SNX30: variants seen among roughly 807,000 people sequenced by gnomAD.
SNX30 encodes sorting nexin-30.
In SNX30, 24 loss-of-function variants were observed where a neutral mutation model predicts 46.4. The observed-to-expected ratio is 0.52, with a 90% CI of 0.37 to 0.73. The LOEUF (loss-of-function observed/expected upper bound fraction) is 0.73, where lower values mean the gene tolerates loss of function less well. Among genes scored for constraint, SNX30 ranks in the 30% least tolerant of loss-of-function variants. The probability of loss-of-function intolerance (pLI) is 0.00; values close to 1 mark genes in which losing one functional copy is unlikely to be tolerated. For missense variants in SNX30, 533 were observed against 555.7 expected (o/e 0.96, Z 0.41); for synonymous variants, 189 against 211.5 (o/e 0.89, Z 0.92).
rs1340146319 is a variant in SNX30, at chr9:112,822,531, G to GT, written c.459+4720dup. Among the ~76,000 whole-genome samples the GT allele has an allele frequency of 2.5e-3, 87 of 34,412 alleles. 4 individuals are homozygous for GT. Among genetic ancestry groups the GT allele is most frequent in the South Asian group, 0.014 (14 of 1,000 alleles). 22.6% of individuals were successfully genotyped at this position (34,412 alleles called of 152,430 possible). A position where few individuals can be genotyped will look rare whatever the true frequency, so the allele number is the denominator to read the frequency against. On this transcript the variant is annotated intron_variant, in intron 3 of 8. Transcript: ENST00000374232. Reference sequence around the variant, plus strand: ...ACAAGTTTTCTTTTGTCCCTTTGCTGTTTTGTTTTGTTTTTTTTTTTTGTA... The same window carrying GT: ...ACAAGTTTTCTTTTGTCCCTTTGCTGTTTTTGTTTTGTTTTTTTTTTTTGTA...
intron 6 of SNX30, among the ~76,000 whole-genome samples, chr9:112,843,889 T>G (rs1840897964): frequency 6.6e-6 from 1 of 152,164 alleles, no homozygotes; most frequent in African/African-American, 2.4e-5. Flanking sequence ...AGTAGCGTCT[T>G]AAAGACCATC....
intron 5 of SNX30, among the ~76,000 whole-genome samples, chr9:112,838,133 A>T (rs1840793743): frequency 6.6e-6 from 1 of 151,582 alleles, no homozygotes; most frequent in East Asian, 1.9e-4. Flanking sequence ...CTTGTGATCC[A>T]CCCACCTTGG....
chr9:112,866,933 A>C (rs1443014247), intron 8 of SNX30, among the ~76,000 whole-genome samples: 257 of 23,612 alleles, frequency 0.011, no homozygotes, highest in African/African-American at 0.015. Context: ...AACTCCTCCC[A>C]CCTCCTCAGA....
At chr9:112,821,940 C>T (rs1027920265) in intron 3 of SNX30, among the ~76,000 whole-genome samples, 2 of 152,124 alleles carry the variant, frequency 1.3e-5, no homozygotes, top group Non-Finnish European at 2.9e-5. Context: ...CCATGCCTGG[C>T]TGGTTTTTAA....
chr9:112,764,529 AC>A (rs1839500734), intron 1 of SNX30, among the ~76,000 whole-genome samples: 1 of 152,094 alleles, frequency 6.6e-6, no homozygotes, highest in Non-Finnish European at 1.5e-5. Flanking sequence ...GGCATGTGTC[AC>A]TGTGCCTGGC....
rs144203931 is a variant in SNX30, at chr9:112,770,460, C to T, written c.156+19303C>T. On this transcript the variant is annotated intron_variant, in intron 1 of 8. Transcript: ENST00000374232. Reference sequence around the variant, plus strand: ...TGCTGGGATTACAGGTATGAGCCACCGCGCCTGGCCTCTTTTTTGCTTTTG... The same window carrying T: ...TGCTGGGATTACAGGTATGAGCCACTGCGCCTGGCCTCTTTTTTGCTTTTG... Among the ~76,000 whole-genome samples, 253 of 152,030 alleles carry T rather than the reference C, an allele frequency of 1.7e-3. 2 individuals are homozygous for T. The highest frequency in any genetic ancestry group is 5.5e-3 in the African/African-American group (228 of 41,474).
chr9:112,884,240 G>A (rs964124500), downstream of SNX30, among the ~76,000 whole-genome samples: 2 of 152,216 alleles, frequency 1.3e-5, no homozygotes, highest in Non-Finnish European at 2.9e-5. Context: ...TCCTGGCATC[G>A]AGGAAGGGGA....
chr9:112,751,688 C>T (rs1265923156), intron 1 of SNX30, among the ~76,000 whole-genome samples: 1 of 152,134 alleles, frequency 6.6e-6, no homozygotes, highest in African/African-American at 2.4e-5. Flanking sequence ...AGTCACCTGA[C>T]TCAGACCCCA....
At chr9:112,755,196 G>T (rs2796034) in intron 1 of SNX30, among the ~76,000 whole-genome samples, 88,251 of 152,064 alleles carry the variant, frequency 0.58, 25,844 homozygotes, top group South Asian at 0.73. Context: ...AGAACTGGCC[G>T]CGAGGAAGAG....
At chr9:112,830,007 G>A (rs78665943) in intron 3 of SNX30, among the ~76,000 whole-genome samples, 5,682 of 152,096 alleles carry the variant, frequency 0.037, 361 homozygotes, top group African/African-American at 0.13. Flanking sequence ...TTTCCCTGTG[G>A]TAGTAATAAT....
chr9:112,880,616 C>T (rs1841564661), intron 5 of SNX30: 2 of 152,886 alleles, frequency 1.3e-5, no homozygotes, highest in African/African-American at 2.4e-5. Flanking sequence ...TAAGGTTTCC[C>T]TCCATCTCCT....
At chr9:112,862,794 C>T (rs773412605) in intron 7 of SNX30, among the ~76,000 whole-genome samples, 4 of 151,900 alleles carry the variant, frequency 2.6e-5, no homozygotes, top group Non-Finnish European at 5.9e-5. Context: ...AATTCCTGAC[C>T]TCCAGTGATC....
chr9:112,769,985 C>G (rs1190268260), intron 1 of SNX30, among the ~76,000 whole-genome samples: 1 of 152,104 alleles, frequency 6.6e-6, no homozygotes. Context: ...ACTTCTCACT[C>G]TCTCCACTGC....
downstream of SNX30, among the ~76,000 whole-genome samples, chr9:112,882,538 C>T (rs1841593290): frequency 6.6e-6 from 1 of 152,172 alleles, no homozygotes; most frequent in African/African-American, 2.4e-5. Context: ...GAGTGGAGAA[C>T]AAGAGTGGCT....
intron 7 of SNX30, among the ~76,000 whole-genome samples, chr9:112,857,768 G>C (rs7044253): frequency 0.62 from 73,481 of 118,902 alleles, 18,978 homozygotes; most frequent in Non-Finnish European, 0.67. Context: ...ATGCATGCAT[G>C]CATCCATCCA....
intron 4 of SNX30, among the ~76,000 whole-genome samples, chr9:112,831,994 A>C (rs1013576857): frequency 6.6e-6 from 1 of 152,198 alleles, no homozygotes; most frequent in Non-Finnish European, 1.5e-5. Flanking sequence ...TAGTTTTTCA[A>C]ATCTGCAAAA....
intron 1 of SNX30, among the ~76,000 whole-genome samples, chr9:112,751,620 C>T (rs1440159613): frequency 6.6e-6 from 1 of 152,198 alleles, no homozygotes; most frequent in Non-Finnish European, 1.5e-5. Context: ...GAGTCTTCTT[C>T]CCCCTAGTCA....
intron 4 of SNX30, among the ~76,000 whole-genome samples, chr9:112,831,792 C>G (rs183169321): frequency 1.3e-5 from 2 of 152,310 alleles, no homozygotes; most frequent in African/African-American, 4.8e-5. Flanking sequence ...CTGCACTTCC[C>G]TGTTGGCAGA....
intron 1 of SNX30, among the ~76,000 whole-genome samples, chr9:112,758,336 CT>C (rs1031135326): frequency 3.3e-4 from 49 of 147,048 alleles, no homozygotes; most frequent in Admixed American, 4.8e-4. Flanking sequence ...TGCGCTCTCT[CT>C]TTTTTTTTTT....
Sources: gnomAD v4.1 joint callset for allele counts (sites outside exome capture counted in the v4.1 genomes callset) on GRCh38, gnomAD v4.1.1 for gene constraint, MANE v1.5 for transcripts, NCBI Gene and HGNC (gene_info 2026-07-23, HGNC 2026-07-21) for gene names.